UNKL: variants seen among roughly 807,000 people sequenced by gnomAD.
UNKL encodes putative E3 ubiquitin-protein ligase UNKL.
Under a neutral mutation model 78.0 loss-of-function variants are expected in UNKL, and 60 were observed. The ratio of observed to expected loss-of-function variants is 0.77; its 90% CI spans 0.63 to 0.95. UNKL has a LOEUF of 0.95. Ranked by LOEUF, UNKL falls within the 40% of genes least tolerant of loss-of-function variation. The pLI is 0.00. For synonymous variants in UNKL, 608 were observed against 474.8 expected (o/e 1.28, Z -3.65); for missense variants, 1,159 against 1,045.7 (o/e 1.11, Z -1.49).
In UNKL at chr16:1,379,651, G is replaced by C. The variant is rs542089799; in HGVS notation, c.1264+5557C>G. ...CGCCGCCAATGCTGACTCACGGTCC[G>C]CGGCCGCCCCGCGCCGCCGCCGGGG... is the stretch of plus-strand genomic sequence containing the variant. On this transcript the variant is annotated intron_variant, in intron 10 of 14. Transcript: ENST00000389221. 8 of 984,556 alleles carry C rather than the reference G, an allele frequency of 8.1e-6. No homozygotes were observed. In the South Asian group the frequency reaches 3.7e-4, roughly 46 times the overall value. The allele number at this position is 984,556 out of a possible 1,614,324, so 61.0% of individuals were successfully genotyped here. A position where few individuals can be genotyped will look rare whatever the true frequency, so the allele number is the denominator to read the frequency against.
At chr16:1,392,437 CCCT>C (rs1365664722) in intron 8 of UNKL, among the ~76,000 whole-genome samples, 2 of 151,634 alleles carry the variant, frequency 1.3e-5, no homozygotes, top group African/African-American at 4.8e-5. Flanking sequence ...CCCTCTTCCC[CCCT>C]CTTTTTTTGT....
intron 2 of UNKL, among the ~76,000 whole-genome samples, 177 bp downstream of exon 2, chr16:1,413,669 A>G (rs1430532768): frequency 6.6e-6 from 1 of 152,242 alleles, no homozygotes; most frequent in African/African-American, 2.4e-5. Context: ...CTGGCCTGAG[A>G]ATAGGAAATG....
chr16:1,413,465 G>A (rs1196479002), intron 2 of UNKL, among the ~76,000 whole-genome samples: 1 of 151,990 alleles, frequency 6.6e-6, no homozygotes, highest in African/African-American at 2.4e-5. Flanking sequence ...CTACTCCGGA[G>A]GCTGAGGCAG....
At position 1,387,476 on chromosome 16, in the gene UNKL, A is replaced by T. The variant is rs1191750537; in HGVS notation, c.1087-2091T>A. 6.6e-6 allele frequency among the ~76,000 whole-genome samples: 1 copy of T among 152,194 alleles called. No homozygotes were observed. The highest frequency in any genetic ancestry group is 1.9e-4 in the East Asian group (1 of 5,196). ...CCTCTTGACAGACGTTCTGGTGACC[A>T]GACATCCAGGAGCAACGCACACCTG... On this transcript the variant is annotated intron_variant, in intron 9 of 14. Coordinates refer to ENST00000389221, the MANE Select transcript of UNKL (RefSeq NM_001372107.1). This position sits in a 1 kb window ranked among gnomAD's most constrained non-coding sequence, Gnocchi z 4.1.
Position 1,366,406 on chromosome 16 carries a change from A to G in UNKL, c.2047-11T>C. ...GAGCTGGAAGATCACCTGCAGGGCCAGAACAATGACGGGCTCAGGAGGCCC... is the reference window on the plus strand; with the variant it reads ...GAGCTGGAAGATCACCTGCAGGGCCGGAACAATGACGGGCTCAGGAGGCCC... On this transcript the variant is annotated splice_polypyrimidine_tract_variant and intron_variant, in intron 14 of 14. Coordinates refer to ENST00000389221, the MANE Select transcript of UNKL (RefSeq NM_001372107.1). 6.4e-7 allele frequency: 1 copy of G among 1,574,570 alleles called. No individual in the cohort carries two copies. Among genetic ancestry groups the G allele is most frequent in the Non-Finnish European group, 8.7e-7 (1 of 1,154,658 alleles).
At chr16:1,405,927 C>T (rs1444026770) in intron 2 of UNKL, 1 of 456,584 alleles carries the variant, frequency 2.2e-6, no homozygotes, top group South Asian at 1.5e-5. Context: ...GAGGGTCCAC[C>T]AGACCCCCTT....
In UNKL at chr16:1,403,067, C is replaced by T; in HGVS notation, c.464+101G>A. On this transcript the variant is annotated intron_variant, in intron 3 of 14. Transcript: ENST00000389221. The surrounding 1 kb of genome is among the most constrained non-coding windows in gnomAD (Gnocchi z 4.8). ...GGAGAGAGATTTGGGCCAGCAGAGC[C>T]TGCAGCAGCAGGGAGGCGAGCCACT... 1.5e-6 allele frequency: 2 copies of T among 1,367,852 alleles called. No homozygotes were observed. The highest frequency in any genetic ancestry group is 9.8e-7 in the Non-Finnish European group (1 of 1,024,658). 84.7% of individuals were successfully genotyped at this position (1,367,852 alleles called of 1,614,324 possible).
At chr16:1,381,495 C>T (rs1298868813) in intron 10 of UNKL, among the ~76,000 whole-genome samples, 1 of 152,144 alleles carries the variant, frequency 6.6e-6, no homozygotes. Flanking sequence ...TGGCACACAC[C>T]TGTAATCCCA....
chr16:1,390,336 A>G (rs1178057921), intron 9 of UNKL, among the ~76,000 whole-genome samples: 3 of 152,180 alleles, frequency 2.0e-5, no homozygotes, highest in Admixed American at 1.3e-4. Flanking sequence ...GCAGCCCAAA[A>G]AAGTAACACA....
At chr16:1,371,162 G>T (rs984239619) in intron 11 of UNKL, among the ~76,000 whole-genome samples, 4 of 152,096 alleles carry the variant, frequency 2.6e-5, no homozygotes, top group African/African-American at 9.7e-5. Flanking sequence ...TATCCTTCGG[G>T]GACCATCAAG....
At chr16:1,384,741 G>A (rs1259960774) in intron 10 of UNKL, among the ~76,000 whole-genome samples, 1 of 152,182 alleles carries the variant, frequency 6.6e-6, no homozygotes, top group Non-Finnish European at 1.5e-5. Context: ...TGGGACCACA[G>A]GTGCGCACCA....
At chr16:1,374,481 C>G (rs2036062193) in intron 10 of UNKL, among the ~76,000 whole-genome samples, 1 of 152,160 alleles carries the variant, frequency 6.6e-6, no homozygotes, top group Non-Finnish European at 1.5e-5. Flanking sequence ...CCCCAGGCAA[C>G]CGCACCCCGG....
chr16:1,414,702 A>G lies in UNKL; in HGVS notation c.-11T>C. On this transcript the variant is annotated 5_prime_UTR_variant, in exon 1 of 15. Transcript: ENST00000389221. ...CGAAACCGACGGCATTTTCAGTCAA[A>G]ACAATGCAGCGCGCATGCGCCGCGC... 8.9e-7 allele frequency: 1 copy of G among 1,122,144 alleles called. No homozygotes were observed. Among genetic ancestry groups the G allele is most frequent in the Non-Finnish European group, 1.1e-6 (1 of 908,226 alleles). 69.5% of individuals were successfully genotyped at this position (1,122,144 alleles called of 1,614,324 possible).
intron 10 of UNKL, among the ~76,000 whole-genome samples, chr16:1,377,781 A>G (rs754733508): frequency 5.3e-5 from 8 of 151,956 alleles, no homozygotes; most frequent in Non-Finnish European, 1.0e-4. Flanking sequence ...GCTTGTTCCC[A>G]TGGCCCCACT....
In UNKL at chr16:1,397,203, C is replaced by T; in HGVS notation, c.827G>A (p.Arg276His). The T allele has an allele frequency of 1.3e-6, 2 of 1,547,162 alleles. No individual in the cohort carries two copies. The highest frequency in any genetic ancestry group is 2.1e-4 in the Middle Eastern group (1 of 4,716). Residue 276 changes from arginine to histidine, a missense_variant, in exon 6 of 15, where the codon CGC becomes CAC. By Grantham distance (29) the Arg-to-His change is conservative. Transcript: ENST00000389221. ...GGDGCQYCHSRTEQQFHPEIY... is the reference protein window; with the variant it reads ...GGDGCQYCHSHTEQQFHPEIY... ...CTCGGGATGGAACTGCTGCTCCGTG[C>T]GGGAGTGGCAATACTGGCAGCCGTC...
chr16:1,405,293 AAGGC>A (rs1263174538), intron 2 of UNKL, among the ~76,000 whole-genome samples: 114 of 149,112 alleles, frequency 7.6e-4, no homozygotes, highest in African/African-American at 2.8e-3. Flanking sequence ...GAAAGGAAGG[AAGGC>A]AGGCAGCCAG....
intron 2 of UNKL, among the ~76,000 whole-genome samples, chr16:1,412,541 C>G (rs1166820751): frequency 6.6e-6 from 1 of 152,232 alleles, no homozygotes; most frequent in Non-Finnish European, 1.5e-5. Context: ...CTGCACAAGG[C>G]AGAGGTTGCC....
chr16:1,392,082 A>G (rs1412502276), intron 8 of UNKL, among the ~76,000 whole-genome samples: 2 of 152,222 alleles, frequency 1.3e-5, no homozygotes, highest in African/African-American at 4.8e-5. Context: ...TGAACCAACC[A>G]TGGCATCAAA....
At chr16:1,382,256 C>T (rs1805085534) in intron 10 of UNKL, among the ~76,000 whole-genome samples, 1 of 152,382 alleles carries the variant, frequency 6.6e-6, no homozygotes, top group South Asian at 2.1e-4. Flanking sequence ...TCCCACACCA[C>T]ATGCTTCCTC....
Sources: allele counts gnomAD v4.1 joint callset (sites outside exome capture counted in the v4.1 genomes callset), GRCh38; gene constraint gnomAD v4.1.1; non-coding constraint Gnocchi (gnomAD v3.1); transcripts MANE v1.5; gene names NCBI Gene and HGNC (gene_info 2026-07-23, HGNC 2026-07-21).